SMARCA1: variants seen among roughly 807,000 people sequenced by gnomAD.
SMARCA1 encodes the protein SNF2 related chromatin remodeling ATPase 1.
A neutral mutation model predicts 93.6 loss-of-function variants in SMARCA1; 17 were observed. That is an observed-to-expected ratio of 0.18 (90% CI 0.12 to 0.27). The LOEUF is 0.27. SMARCA1 is among the 10% of genes least tolerant of loss of function. The pLI is 1.00. For missense variants in SMARCA1, 630 were observed against 819.0 expected (o/e 0.77, Z 2.82); for synonymous variants, 271 against 271.4 (o/e 1.00, Z 0.01).
chrX:129,474,871 G>A (rs778977554), intron 19 of SMARCA1, among the ~76,000 whole-genome samples: 62 of 110,519 alleles, frequency 5.6e-4, no homozygotes, highest in Non-Finnish European at 1.0e-3. Flanking sequence ...CTGTTCTCGT[G>A]ATAGTGAATA....
chrX:129,478,014 T>A (rs1933462481), intron 19 of SMARCA1, among the ~76,000 whole-genome samples: 1 of 111,522 alleles, frequency 9.0e-6, no homozygotes, highest in Non-Finnish European at 1.9e-5. Context: ...GACCTTTGCA[T>A]ATGAGGTGCC....
chrX:129,502,633 A>G (rs1049219186), intron 9 of SMARCA1, among the ~76,000 whole-genome samples: 2 of 111,225 alleles, frequency 1.8e-5, no homozygotes, highest in Non-Finnish European at 3.8e-5. Context: ...AGGATAAACT[A>G]CTCTTTCAAG....
chrX:129,504,556 A>AT (rs1569446026), intron 9 of SMARCA1, among the ~76,000 whole-genome samples, 178 bp downstream of exon 9: 26 of 87,069 alleles, frequency 3.0e-4, no homozygotes, highest in African/African-American at 1.1e-3. Context: ...GAATAAAAAA[A>AT]AAAAAAAAAA....
intron 23 of SMARCA1, among the ~76,000 whole-genome samples, chrX:129,452,990 TTACTA>T (rs2124156895): frequency 9.0e-6 from 1 of 111,696 alleles, no homozygotes; most frequent in Non-Finnish European, 1.9e-5. Flanking sequence ...AGCTTTTATG[TTACTA>T]TCATAATCAT....
Position 129,480,713 on chromosome X carries a change from T to G in SMARCA1, c.2430A>C (p.Thr810=), listed in dbSNP as rs763071158. 9.3e-7 allele frequency: 1 copy of G among 1,075,871 alleles called. No homozygotes were observed. The highest frequency in any genetic ancestry group is 2.4e-5 in the South Asian group (1 of 41,574). The allele number at this position is 1,075,871 out of a possible 1,213,427, so 88.7% of individuals were successfully genotyped here. A position where few individuals can be genotyped will look rare whatever the true frequency, so the allele number is the denominator to read the frequency against. The change falls in exon 19 of 25, where the codon ACA becomes ACC. Residue 810 remains threonine (T), a synonymous_variant. Transcript: ENST00000371121. ...ATGGAAAAAATACCTTATAGCCTATTGTCTTCCGATAATAAAGAATTTCCT... is the reference window on the plus strand; with the variant it reads ...ATGGAAAAAATACCTTATAGCCTATGGTCTTCCGATAATAAAGAATTTCCT... The part of the protein sequence containing the change: ...LEKEILYYRK[T]IGYKVPRNPD...
chrX:129,475,500 G>A (rs779915513), intron 19 of SMARCA1, among the ~76,000 whole-genome samples: 63 of 111,176 alleles, frequency 5.7e-4, no homozygotes, highest in African/African-American at 1.6e-3. Flanking sequence ...GCCTCAGCAA[G>A]AGAGTGAGAC....
intron 1 of SMARCA1, among the ~76,000 whole-genome samples, chrX:129,521,825 C>T (rs1935404858): frequency 8.9e-6 from 1 of 112,382 alleles, no homozygotes; most frequent in Non-Finnish European, 1.9e-5. Flanking sequence ...ATGTTTTCTA[C>T]GGTTTTCATT....
chrX:129,508,329 C>A lies in SMARCA1; in HGVS notation c.811-233G>T, dbSNP rs1018324385. 2.7e-5 allele frequency among the ~76,000 whole-genome samples: 3 copies of A among 111,744 alleles called. No individual in the cohort carries two copies. The East Asian group carries it at 8.4e-4, about 31-fold the overall frequency. On this transcript the variant is annotated intron_variant, in intron 6 of 24. Transcript: ENST00000371121. ...TAACAGAAGAGAAACAAAGGCTTCC[C>A]TTACAGAAATATGGCATATTCAATG... is the stretch of plus-strand genomic sequence containing the variant.
chrX:129,477,209 T>A (rs990359754), intron 19 of SMARCA1, among the ~76,000 whole-genome samples: 2 of 111,677 alleles, frequency 1.8e-5, no homozygotes, highest in Non-Finnish European at 3.8e-5. Flanking sequence ...CTGGCTGGTT[T>A]CCCTAGATAA....
rs772795893 is a variant in SMARCA1, at chrX:129,466,056, G to A, written c.2699-94C>T. On this transcript the variant is annotated intron_variant, in intron 21 of 24. Coordinates refer to ENST00000371121, the MANE Select transcript of SMARCA1 (RefSeq NM_001282874.2). ...AGGAATTAATAGGAAAGAATACAAT[G>A]AGCTTGTACTTCTTAAAATTAAGAT... The A allele has an allele frequency of 8.6e-5, 33 of 383,766 alleles. No homozygotes were observed. In the African/African-American group the frequency reaches 8.6e-4, roughly 10 times the overall value. 31.6% of individuals were successfully genotyped at this position (383,766 alleles called of 1,213,427 possible). A position where few individuals can be genotyped will look rare whatever the true frequency, so the allele number is the denominator to read the frequency against.
At chrX:129,463,142 A>C (rs967621125) in intron 23 of SMARCA1, among the ~76,000 whole-genome samples, 1 of 111,737 alleles carries the variant, frequency 8.9e-6, no homozygotes, top group Non-Finnish European at 1.9e-5. Flanking sequence ...AAAATTCAAT[A>C]ACTGTTCTAT....
intron 17 of SMARCA1, among the ~76,000 whole-genome samples, chrX:129,484,142 T>C (rs765440633): frequency 8.9e-6 from 1 of 112,194 alleles, no homozygotes; most frequent in Non-Finnish European, 1.9e-5. Context: ...CAGTTACAGA[T>C]AGCCAAGTAT....
intron 1 of SMARCA1, among the ~76,000 whole-genome samples, chrX:129,519,899 C>T (rs766914379): frequency 3.6e-5 from 4 of 111,616 alleles, no homozygotes; most frequent in Non-Finnish European, 5.6e-5. Flanking sequence ...TTGCCTCATA[C>T]GCACAAATAT....
At chrX:129,495,690 CTT>C (rs200153476) in intron 12 of SMARCA1, among the ~76,000 whole-genome samples, 2,426 of 110,044 alleles carry the variant, frequency 0.022, 65 homozygotes, top group African/African-American at 0.075. Flanking sequence ...GAACTTAAAT[CTT>C]GTTTATATCA....
intron 2 of SMARCA1, among the ~76,000 whole-genome samples, chrX:129,517,741 A>T (rs749180191): frequency 1.8e-5 from 2 of 111,445 alleles, no homozygotes; most frequent in South Asian, 3.7e-4. Flanking sequence ...ATCCAAGGTT[A>T]TAAGAGTTTA....
In SMARCA1 at chrX:129,469,559, C is replaced by G. The variant is rs112320639; in HGVS notation, c.2566-654G>C. Among the ~76,000 whole-genome samples, 6 of 111,955 alleles carry G rather than the reference C, an allele frequency of 5.4e-5. No homozygotes were observed. The Admixed American group carries it at 5.7e-4, about 11-fold the overall frequency. On this transcript the variant is annotated intron_variant, in intron 20 of 24. Transcript: ENST00000371121. Reference sequence around the variant, plus strand: ...GACCAAGAATTTGTCTTCCACTCCTCGAGCCCCAACTCACATAAATGTGAT... The same window carrying G: ...GACCAAGAATTTGTCTTCCACTCCTGGAGCCCCAACTCACATAAATGTGAT...
Position 129,520,181 on chromosome X carries a change from AACT to A in SMARCA1, c.175-1737_175-1735del, listed in dbSNP as rs761983185. 2.7e-4 allele frequency among the ~76,000 whole-genome samples: 28 copies of A among 103,176 alleles called. No individual in the cohort carries two copies. The South Asian group carries it at 0.012, about 44-fold the overall frequency. 89.6% of individuals were successfully genotyped at this position (103,176 alleles called of 115,157 possible). A position where few individuals can be genotyped will look rare whatever the true frequency, so the allele number is the denominator to read the frequency against. ...TGTGTGTGTGTGTGTGTATTCTCAA[AACT>A]ACATTTTTTTCATACAAGAAAAGAT... On this transcript the variant is annotated intron_variant, in intron 1 of 24. Coordinates refer to ENST00000371121, the MANE Select transcript of SMARCA1 (RefSeq NM_001282874.2).
At chrX:129,467,810 G>C (rs2124201115) in intron 21 of SMARCA1, among the ~76,000 whole-genome samples, 1 of 111,106 alleles carries the variant, frequency 9.0e-6, no homozygotes, top group South Asian at 3.8e-4. Flanking sequence ...TCAGTGGTAG[G>C]GTTAAATAGA....
At chrX:129,479,854 C>T (rs1933570011) in intron 19 of SMARCA1, among the ~76,000 whole-genome samples, 1 of 110,491 alleles carries the variant, frequency 9.1e-6, no homozygotes, top group African/African-American at 3.3e-5. Context: ...CTTGCCACCG[C>T]ACCCAGCTAA....
Sources: allele counts gnomAD v4.1 joint callset (sites outside exome capture counted in the v4.1 genomes callset), GRCh38; gene constraint gnomAD v4.1.1; transcripts MANE v1.5; gene names NCBI Gene and HGNC (gene_info 2026-07-23, HGNC 2026-07-21).